Variants in PPA2 observed in about 807,000 individuals in gnomAD.
PPA2 encodes the protein inorganic pyrophosphatase 2, also known as inorganic pyrophosphatase 2, mitochondrial.
PPA2 carries 48 observed loss-of-function variants against 49.5 expected under a neutral mutation model. That is an observed-to-expected ratio of 0.97 (90% CI 0.77 to 1.23). The LOEUF (loss-of-function observed/expected upper bound fraction) is 1.23, where lower values mean the gene tolerates loss of function less well. Ranked by LOEUF, PPA2 falls within the 50% of genes most tolerant of loss-of-function variation. The pLI is 0.00. For missense variants in PPA2, 429 were observed against 410.1 expected, an observed-to-expected ratio of 1.05 and a Z score of -0.40; for synonymous variants, 131 against 139.9, an observed-to-expected ratio of 0.94 and a Z score of 0.45.
intron 1 of PPA2, among the ~76,000 whole-genome samples, chr4:105,466,144 C>A (rs1405652453): frequency 2.6e-5 from 4 of 152,154 alleles, no homozygotes. Context: ...CTAAAGAGGT[C>A]TTGGTCTTGA....
chr4:105,448,017 A>AT, intron 4 of PPA2: 1 of 336,966 alleles, frequency 3.0e-6, no homozygotes, highest in Non-Finnish European at 5.9e-6. Flanking sequence ...ATGGGCTGGG[A>AT]TTACAGGTGT....
intron 10 of PPA2, among the ~76,000 whole-genome samples, chr4:105,382,860 GTGTGGTGGCACACACC>G: frequency 6.6e-6 from 1 of 152,132 alleles, no homozygotes; most frequent in East Asian, 1.9e-4. Flanking sequence ...ACTTCGCCAG[GTGTGGTGGCACACACC>G]TGTAGTCCCA....
At chr4:105,432,150 T>C (rs925003036) in intron 6 of PPA2, among the ~76,000 whole-genome samples, 4 of 152,224 alleles carry the variant, frequency 2.6e-5, no homozygotes, top group African/African-American at 7.2e-5. Flanking sequence ...GGTTGTTATA[T>C]ACATGTCAAA....
intron 1 of PPA2, among the ~76,000 whole-genome samples, chr4:105,465,650 G>A (rs575647055): frequency 3.4e-4 from 51 of 152,208 alleles, no homozygotes; most frequent in African/African-American, 1.2e-3. Context: ...CAGCTGGCTG[G>A]GTAGAAAATT....
chr4:105,411,756 A>G (rs936640600), intron 7 of PPA2, among the ~76,000 whole-genome samples: 1 of 152,226 alleles, frequency 6.6e-6, no homozygotes, highest in Non-Finnish European at 1.5e-5. Flanking sequence ...AGGATACAAA[A>G]TCAATGTGCA....
intron 4 of PPA2, among the ~76,000 whole-genome samples, chr4:105,447,655 T>C (rs561642888): frequency 2.0e-5 from 3 of 152,234 alleles, no homozygotes; most frequent in South Asian, 4.1e-4. Context: ...TTATAACTTG[T>C]CAATATACAA....
chr4:105,415,338 A>G (rs1722957576), intron 7 of PPA2, among the ~76,000 whole-genome samples: 1 of 152,212 alleles, frequency 6.6e-6, no homozygotes, highest in African/African-American at 2.4e-5. Flanking sequence ...AGCCACCCTC[A>G]GCACCTCTTT....
chr4:105,425,924 T>C (rs1723485263), intron 6 of PPA2, among the ~76,000 whole-genome samples: 1 of 152,114 alleles, frequency 6.6e-6, no homozygotes, highest in African/African-American at 2.4e-5. Context: ...GATTTCTCTT[T>C]AGAAGCAATG....
At chr4:105,448,262 C>T (rs1450483533) in intron 4 of PPA2, among the ~76,000 whole-genome samples, 2 of 152,128 alleles carry the variant, frequency 1.3e-5, no homozygotes, top group African/African-American at 2.4e-5. Context: ...AATATCTTTA[C>T]CTTTTCCTAC....
At chr4:105,472,736 A>G (rs553984057) in intron 1 of PPA2, among the ~76,000 whole-genome samples, 48 of 152,344 alleles carry the variant, frequency 3.2e-4, no homozygotes, top group African/African-American at 8.7e-4. Context: ...ACTTTAGGCA[A>G]ACTCTTCTTT....
chr4:105,376,332 A>G (rs892553332), intron 10 of PPA2, among the ~76,000 whole-genome samples: 1 of 152,210 alleles, frequency 6.6e-6, no homozygotes, highest in African/African-American at 2.4e-5. Flanking sequence ...ATACAACACT[A>G]TGGATACTGT....
intron 1 of PPA2, among the ~76,000 whole-genome samples, chr4:105,466,581 A>C (rs1723310450): frequency 6.6e-6 from 1 of 152,168 alleles, no homozygotes. Flanking sequence ...GCAGAAGGAG[A>C]GGCTGAGGCA....
chr4:105,450,300 T>G (rs1045215403), intron 3 of PPA2, among the ~76,000 whole-genome samples: 8 of 152,172 alleles, frequency 5.3e-5, no homozygotes, highest in African/African-American at 1.9e-4. Flanking sequence ...TACAAACATT[T>G]GTAGCAATTT....
At chr4:105,375,231 A>C (rs1451717420) in intron 10 of PPA2, among the ~76,000 whole-genome samples, 1 of 152,052 alleles carries the variant, frequency 6.6e-6, no homozygotes, top group Non-Finnish European at 1.5e-5. Context: ...GATTGGTTTT[A>C]CTTTCACTAA....
intron 1 of PPA2, 55 bp downstream of exon 1, chr4:105,473,838 TC>T: frequency 6.4e-7 from 1 of 1,554,300 alleles, no homozygotes; most frequent in Non-Finnish European, 8.7e-7. Context: ...CCCCATTCCA[TC>T]CCCCACCCAG....
At chr4:105,392,675 A>C (rs1049041707) in intron 9 of PPA2, among the ~76,000 whole-genome samples, 2 of 151,482 alleles carry the variant, frequency 1.3e-5, no homozygotes, top group African/African-American at 4.8e-5. Context: ...TCTGTTTCAA[A>C]AAAAAAAAAA....
intron 1 of PPA2, among the ~76,000 whole-genome samples, chr4:105,469,347 A>C (rs1016384803): frequency 4.6e-5 from 7 of 152,216 alleles, no homozygotes; most frequent in African/African-American, 1.7e-4. Flanking sequence ...AGCATTTTCT[A>C]AGTTATCTAT....
chr4:105,416,257 A>G (rs756189529), intron 7 of PPA2, among the ~76,000 whole-genome samples: 25 of 152,346 alleles, frequency 1.6e-4, no homozygotes, highest in Non-Finnish European at 1.8e-4. Context: ...CCACCCAGCC[A>G]TAACACAAAG....
intron 9 of PPA2, among the ~76,000 whole-genome samples, chr4:105,391,855 A>G (rs1259362168): frequency 1.3e-5 from 2 of 152,066 alleles, no homozygotes; most frequent in African/African-American, 4.8e-5. Flanking sequence ...AGAATATATT[A>G]AACAGGAGAA....
Sources: gnomAD v4.1 joint callset for allele counts (sites outside exome capture counted in the v4.1 genomes callset) on GRCh38, gnomAD v4.1.1 for gene constraint, MANE v1.5 for transcripts, NCBI Gene and HGNC (gene_info 2026-07-23, HGNC 2026-07-21) for gene names.